MYT1L: variants seen among roughly 807,000 people sequenced by gnomAD.
The protein encoded by MYT1L is myelin transcription factor 1 like.
MYT1L carries 12 observed loss-of-function variants against 126.7 expected under a neutral mutation model. The ratio of observed to expected loss-of-function variants is 0.09; its 90% CI spans 0.06 to 0.15. The LOEUF is 0.15. Among genes scored for constraint, MYT1L ranks in the 10% least tolerant of loss-of-function variants. The pLI is 1.00. For synonymous variants in MYT1L, 541 were observed against 604.2 expected (o/e 0.90, Z 1.53); for missense variants, 979 against 1,585.2 (o/e 0.62, Z 6.49).
intron 18 of MYT1L, among the ~76,000 whole-genome samples, chr2:1,881,736 G>A (rs953702019): frequency 6.6e-5 from 10 of 152,004 alleles, no homozygotes; most frequent in African/African-American, 1.7e-4. Context: ...CTCCCTGTGC[G>A]GGTCACAGGG....
intron 8 of MYT1L, among the ~76,000 whole-genome samples, chr2:1,950,254 G>A (rs1388832896): frequency 1.3e-5 from 2 of 152,110 alleles, no homozygotes; most frequent in East Asian, 3.9e-4. Flanking sequence ...ATCCAACCCT[G>A]TTTCTTATTG....
intron 4 of MYT1L, among the ~76,000 whole-genome samples, chr2:2,047,775 A>T (rs929032483): frequency 6.6e-6 from 1 of 152,248 alleles, no homozygotes; most frequent in Non-Finnish European, 1.5e-5. Flanking sequence ...AACAATAGTA[A>T]ATTTTTATGA....
chr2:2,140,588 C>G (rs2083823226), intron 3 of MYT1L, among the ~76,000 whole-genome samples: 1 of 151,936 alleles, frequency 6.6e-6, no homozygotes, highest in Non-Finnish European at 1.5e-5. Flanking sequence ...GTGCCCGCCA[C>G]CACGCCTGGC....
At chr2:2,282,938 G>A (rs1173470621) in intron 2 of MYT1L, among the ~76,000 whole-genome samples, 1 of 152,134 alleles carries the variant, frequency 6.6e-6, no homozygotes, top group African/African-American at 2.4e-5. Context: ...AGCCAGGTGT[G>A]GTGGCATGTG....
chr2:2,191,482 C>T (rs757736105), intron 2 of MYT1L, among the ~76,000 whole-genome samples: 14 of 152,286 alleles, frequency 9.2e-5, no homozygotes, highest in Non-Finnish European at 1.3e-4. Flanking sequence ...AACCCGAAGC[C>T]GCCCATCCTC....
chr2:1,939,435 G>A (rs1463675939), intron 9 of MYT1L, among the ~76,000 whole-genome samples: 1 of 152,170 alleles, frequency 6.6e-6, no homozygotes, highest in African/African-American at 2.4e-5. Flanking sequence ...CCACTGGAAG[G>A]GAGGACAAAA....
At chr2:2,158,234 G>C (rs2087055992) in intron 3 of MYT1L, among the ~76,000 whole-genome samples, 1 of 151,708 alleles carries the variant, frequency 6.6e-6, no homozygotes, top group Non-Finnish European at 1.5e-5. Context: ...CCTGGCCCTT[G>C]CTAGGCAGAT....
At chr2:1,905,537 G>A (rs2050938816) in intron 13 of MYT1L, among the ~76,000 whole-genome samples, 1 of 151,378 alleles carries the variant, frequency 6.6e-6, no homozygotes, top group African/African-American at 2.4e-5. Context: ...TATTTTTAGT[G>A]GAGACAGGGT....
At chr2:1,940,117 C>T (rs1419241787) in intron 9 of MYT1L, among the ~76,000 whole-genome samples, 1 of 152,250 alleles carries the variant, frequency 6.6e-6, no homozygotes, top group Admixed American at 6.5e-5. Context: ...AGTGGAGTAT[C>T]ACGCTCTACT....
rs78321958 is a variant in MYT1L at position 1,839,571 on chromosome 2, C to T, written c.2859-201G>A. On this transcript the variant is annotated intron_variant, in intron 20 of 24. Coordinates refer to ENST00000647738, the MANE Select transcript of MYT1L (RefSeq NM_001303052.2). ...GTGGAACACTGAACTGTTTCCCCTG[C>T]GCAGAAGGCCTGACCCATTGCAGAT... 0.016 allele frequency among the ~76,000 whole-genome samples: 2,513 copies of T among 152,332 alleles called. 32 individuals carry two copies. The highest frequency in any genetic ancestry group is 0.034 in the Middle Eastern group (10 of 294).
intron 18 of MYT1L, among the ~76,000 whole-genome samples, chr2:1,882,769 C>A (rs2047727333): frequency 6.6e-6 from 1 of 152,162 alleles, no homozygotes; most frequent in Admixed American, 6.5e-5. Context: ...CCAGGAGAGC[C>A]TGGTAAATAA....
At chr2:2,189,766 G>T (rs1280707595) in intron 2 of MYT1L, among the ~76,000 whole-genome samples, 1 of 151,034 alleles carries the variant, frequency 6.6e-6, no homozygotes, top group African/African-American at 2.4e-5. Flanking sequence ...GGTGAGAAGC[G>T]CATTCTCAGG....
At chr2:1,812,018 T>C (rs113970995) in intron 21 of MYT1L, among the ~76,000 whole-genome samples, 2 of 152,364 alleles carry the variant, frequency 1.3e-5, no homozygotes, top group African/African-American at 4.8e-5. Flanking sequence ...TCTCCTAAAA[T>C]AGGATGCTTG....
In MYT1L at chr2:1,811,004, G is replaced by A. The variant is rs893403338; in HGVS notation, c.3081-1837C>T. ...GGCGTATGGGAAGTGAGGAGGCCTC[G>A]TGATGGGATCCGTGCCCTTATAACA... On this transcript the variant is annotated intron_variant, in intron 21 of 24. Transcript: ENST00000647738. The surrounding 1 kb of genome is among the most constrained non-coding windows in gnomAD (Gnocchi z 4.4). 1 of 152,148 alleles carries A rather than the reference G, an allele frequency of 6.6e-6. No homozygotes were observed. Among genetic ancestry groups the A allele is most frequent in the Admixed American group, 6.5e-5 (1 of 15,272 alleles). 9.4% of individuals were successfully genotyped at this position (152,148 alleles called of 1,614,324 possible).
chr2:2,146,621 G>A (rs2084917769), intron 3 of MYT1L, among the ~76,000 whole-genome samples: 2 of 152,160 alleles, frequency 1.3e-5, no homozygotes, highest in Admixed American at 1.3e-4. Flanking sequence ...AAGGAGGGCC[G>A]GCTTGTTCAG....
In MYT1L at chr2:2,219,950, C is replaced by T. The variant is rs148716102; in HGVS notation, c.-420-46962G>A. Among the ~76,000 whole-genome samples, 6 of 148,340 alleles carry T rather than the reference C, an allele frequency of 4.0e-5. No individual in the cohort carries two copies. In the East Asian group the frequency reaches 1.2e-3, roughly 29 times the overall value. ...GAAGGAATAATCATTTCTAACACAG[C>T]CATCTTTCCCTTGCAGAGTTTTGAG... On this transcript the variant is annotated intron_variant, in intron 2 of 24. Coordinates refer to ENST00000647738, the MANE Select transcript of MYT1L (RefSeq NM_001303052.2).
intron 18 of MYT1L, among the ~76,000 whole-genome samples, chr2:1,873,551 T>C (rs2046508031): frequency 6.6e-6 from 1 of 152,162 alleles, no homozygotes; most frequent in Admixed American, 6.5e-5. Flanking sequence ...CCTCCTGAAA[T>C]GCCAGCATTA....
intron 3 of MYT1L, among the ~76,000 whole-genome samples, chr2:2,107,435 T>C (rs1182810629): frequency 3.3e-5 from 5 of 152,222 alleles, no homozygotes; most frequent in Non-Finnish European, 5.9e-5. Context: ...ACCACCTGCC[T>C]GTGAATCCTA....
At chr2:2,047,624 C>T (rs887728374) in intron 4 of MYT1L, among the ~76,000 whole-genome samples, 1 of 152,132 alleles carries the variant, frequency 6.6e-6, no homozygotes. Flanking sequence ...AAGCTCAACA[C>T]CGATTTTTCA....
Sources: allele counts gnomAD v4.1 joint callset (sites outside exome capture counted in the v4.1 genomes callset), GRCh38; gene constraint gnomAD v4.1.1; non-coding constraint Gnocchi (gnomAD v3.1); transcripts MANE v1.5; gene names NCBI Gene and HGNC (gene_info 2026-07-23, HGNC 2026-07-21).